SASS6: variants seen among roughly 807,000 people sequenced by gnomAD.
SASS6 encodes the protein SAS-6 centriolar assembly protein, also known as spindle assembly abnormal protein 6 homolog.
In SASS6, 59 loss-of-function variants were observed where a neutral mutation model predicts 94.9. The observed-to-expected ratio is 0.62, with a 90% CI of 0.50 to 0.77. The LOEUF is 0.77. SASS6 is among the 30% of genes least tolerant of loss of function. The pLI is 0.00. For missense variants in SASS6, 698 were observed against 734.1 expected, an observed-to-expected ratio of 0.95 and a Z score of 0.57; for synonymous variants, 264 against 270.0, an observed-to-expected ratio of 0.98 and a Z score of 0.22.
At chr1:100,097,636 G>C (rs146637205) in intron 14 of SASS6, among the ~76,000 whole-genome samples, 3 of 152,054 alleles carry the variant, frequency 2.0e-5, no homozygotes, top group Non-Finnish European at 4.4e-5. Context: ...ATCACCCTGA[G>C]CAACATGGTG....
intron 14 of SASS6, among the ~76,000 whole-genome samples, chr1:100,100,856 G>A (rs1652426103): frequency 6.6e-6 from 1 of 152,232 alleles, no homozygotes. Context: ...GTGCTTTAAA[G>A]TGGGTCTTTG....
chr1:100,127,442 T>G (rs1277915374), intron 1 of SASS6, among the ~76,000 whole-genome samples: 2 of 149,800 alleles, frequency 1.3e-5, no homozygotes, highest in Non-Finnish European at 3.0e-5. Flanking sequence ...TAATTTTATA[T>G]GGGTTTAAAA....
chr1:100,103,151 T>C, intron 13 of SASS6, 68 bp from the exon 14 acceptor site: 1 of 1,018,874 alleles, frequency 9.8e-7, no homozygotes. Flanking sequence ...GTTGATCAGG[T>C]GGCATTAGCA....
At position 100,129,468 on chromosome 1, in the gene SASS6, A is replaced by G. The variant is rs1489260784; in HGVS notation, c.65+3282T>C. ...TTATTTAACAATAATCTTGATAAGTAAATATTATTTATTTTACAAAAGAAG... is the reference window on the plus strand; with the variant it reads ...TTATTTAACAATAATCTTGATAAGTGAATATTATTTATTTTACAAAAGAAG... On this transcript the variant is annotated intron_variant, in intron 1 of 16. Coordinates refer to ENST00000287482, the MANE Select transcript of SASS6 (RefSeq NM_194292.3). Among the ~76,000 whole-genome samples, 3 of 152,162 alleles carry G rather than the reference A, an allele frequency of 2.0e-5. No homozygotes were observed. The East Asian group carries it at 5.8e-4, about 29-fold the overall frequency.
chr1:100,096,007 A>G (rs1652078592), intron 14 of SASS6, among the ~76,000 whole-genome samples: 1 of 152,254 alleles, frequency 6.6e-6, no homozygotes, highest in African/African-American at 2.4e-5. Context: ...AATTCCTTAT[A>G]TACCTATCAA....
intron 14 of SASS6, among the ~76,000 whole-genome samples, chr1:100,090,055 T>C (rs1025005023): frequency 2.1e-4 from 32 of 152,048 alleles, no homozygotes; most frequent in African/African-American, 7.2e-4. Context: ...TGAAATTGTA[T>C]ATTATAAACT....
In SASS6 at chr1:100,085,417, T is replaced by G; in HGVS notation, c.1885A>C (p.Thr629Pro). The change falls in exon 17 of 17, where the codon ACT becomes CCT. Residue 629 changes from threonine to proline, a missense_variant. Transcript: ENST00000287482. ...FSNSDHQRDG[T>P]LGALHTSSKP... is the part of the protein sequence containing the mutation. ...GAAGATGTATGTAATGCTCCTAAAG[T>G]GCCATCTCTCTGATGGTCTGCAAAT... 6.2e-7 allele frequency: 1 copy of G among 1,612,398 alleles called. No homozygotes were observed.
chr1:100,124,785 A>G (rs1654448668), intron 2 of SASS6, among the ~76,000 whole-genome samples: 2 of 152,194 alleles, frequency 1.3e-5, no homozygotes, highest in Admixed American at 6.5e-5. Flanking sequence ...GGAGTGAAGG[A>G]TGGTTTCAGG....
intron 14 of SASS6, among the ~76,000 whole-genome samples, chr1:100,100,239 C>A (rs941708151): frequency 6.6e-6 from 1 of 152,038 alleles, no homozygotes; most frequent in Non-Finnish European, 1.5e-5. Flanking sequence ...GCACTCTAGC[C>A]TTGGTGACAG....
At chr1:100,089,634 C>T (rs1169170538) in intron 14 of SASS6, among the ~76,000 whole-genome samples, 9 of 151,974 alleles carry the variant, frequency 5.9e-5, no homozygotes, top group Admixed American at 5.9e-4. Flanking sequence ...ACTTGCCAAC[C>T]TAAAGTTCTA....
intron 14 of SASS6, among the ~76,000 whole-genome samples, chr1:100,096,021 CCAAA>C (rs1326310946): frequency 6.6e-6 from 1 of 152,140 alleles, no homozygotes; most frequent in Non-Finnish European, 1.5e-5. Flanking sequence ...CTATCAAAAT[CCAAA>C]CAAACCATTT....
chr1:100,091,512 C>T (rs930490546), intron 14 of SASS6, among the ~76,000 whole-genome samples: 3 of 150,488 alleles, frequency 2.0e-5, no homozygotes, highest in African/African-American at 7.3e-5. Flanking sequence ...AAAGTTAAAC[C>T]AGAAGAAGTC....
intron 1 of SASS6, among the ~76,000 whole-genome samples, 191 bp from the exon 2 acceptor site, chr1:100,126,133 C>T (rs139272420): frequency 3.1e-4 from 47 of 152,328 alleles, no homozygotes; most frequent in African/African-American, 1.0e-3. Context: ...AGTAATCTAG[C>T]AGTGTTTAAC....
At chr1:100,123,900 T>C (rs1467992862) in intron 2 of SASS6, among the ~76,000 whole-genome samples, 1 of 152,208 alleles carries the variant, frequency 6.6e-6, no homozygotes, top group African/African-American at 2.4e-5. Flanking sequence ...TCCAGGTAGC[T>C]ACGTGTACAT....
chr1:100,115,675 T>TA (rs1653750570), intron 7 of SASS6, among the ~76,000 whole-genome samples: 1 of 151,966 alleles, frequency 6.6e-6, no homozygotes, highest in African/African-American at 2.4e-5. Context: ...AAAAAAATTT[T>TA]AAAATCAGCC....
intron 7 of SASS6, 35 bp downstream of exon 7, chr1:100,118,981 TAA>T (rs1653976140): frequency 1.4e-6 from 2 of 1,441,740 alleles, no homozygotes; most frequent in Admixed American, 2.2e-5. Flanking sequence ...CTAACAGCAA[TAA>T]AAGATATTTT....
intron 12 of SASS6, among the ~76,000 whole-genome samples, chr1:100,106,203 TTATG>T (rs1247882036): frequency 1.3e-5 from 2 of 152,200 alleles, no homozygotes; most frequent in African/African-American, 4.8e-5. Context: ...ATTCACAATC[TTATG>T]TATGATACCC....
chr1:100,102,661 G>A (rs896432019), intron 14 of SASS6, among the ~76,000 whole-genome samples: 16 of 135,402 alleles, frequency 1.2e-4, no homozygotes, highest in Admixed American at 2.3e-4. Flanking sequence ...CTGGACAACC[G>A]AGCAAGACTG....
Position 100,132,740 on chromosome 1 carries a change from C to T in SASS6, c.65+10G>A, listed in dbSNP as rs764402351. The T allele has an allele frequency of 6.2e-7, 1 of 1,612,192 alleles. No homozygotes were observed. Among genetic ancestry groups the T allele is most frequent in the Admixed American group, 1.7e-5 (1 of 60,030 alleles). On this transcript the variant is annotated intron_variant, in intron 1 of 16. Transcript: ENST00000287482. The stretch of plus-strand genomic sequence containing the variant: ...CGCCACCCGCGGGCACTGGATGACG[C>T]GGACCTTACCTCTCCTCACAGTCTT...
Sources: gnomAD v4.1 joint callset for allele counts (sites outside exome capture counted in the v4.1 genomes callset) on GRCh38, gnomAD v4.1.1 for gene constraint, MANE v1.5 for transcripts, NCBI Gene and HGNC (gene_info 2026-07-23, HGNC 2026-07-21) for gene names.